Variants in NEBL observed in about 807,000 individuals in gnomAD.
NEBL encodes the protein LIM and SH3 protein 2.
A neutral mutation model predicts 140.2 loss-of-function variants in NEBL; 122 were observed. The observed-to-expected ratio is 0.87, with a 90% CI of 0.75 to 1.01. The LOEUF (loss-of-function observed/expected upper bound fraction) is 1.01. NEBL is among the 50% of genes least tolerant of loss of function. NEBL has a pLI of 0.00. For missense variants in NEBL, 1,365 were observed against 1,231.3 expected (o/e 1.11, Z -1.62); for synonymous variants, 436 against 398.9 (o/e 1.09, Z -1.11).
chr10:21,188,846 T>G (rs1193795035), intron 3 of NEBL, among the ~76,000 whole-genome samples: 4 of 152,074 alleles, frequency 2.6e-5, no homozygotes, highest in African/African-American at 4.8e-5. Context: ...AACCTCAGCC[T>G]CCCAAAGTGC....
intron 4 of NEBL, among the ~76,000 whole-genome samples, chr10:20,936,601 C>G (rs560283713): frequency 2.0e-5 from 3 of 152,198 alleles, no homozygotes; most frequent in Admixed American, 6.5e-5. Context: ...ATCCAAGGGA[C>G]AGCTCCTTCT....
chr10:20,962,901 T>G (rs535334105), intron 3 of NEBL, among the ~76,000 whole-genome samples: 1 of 152,146 alleles, frequency 6.6e-6, no homozygotes, highest in East Asian at 1.9e-4. Flanking sequence ...GAATGGCTGT[T>G]TCTGTTGAAT....
intron 4 of NEBL, among the ~76,000 whole-genome samples, chr10:20,918,659 G>A (rs1022598402): frequency 6.6e-6 from 1 of 151,662 alleles, no homozygotes; most frequent in African/African-American, 2.4e-5. Flanking sequence ...CCATCCTGGC[G>A]AAGGCGGTGA....
chr10:21,109,653 A>G (rs995305709), intron 2 of NEBL, among the ~76,000 whole-genome samples: 11 of 152,220 alleles, frequency 7.2e-5, no homozygotes, highest in Admixed American at 6.5e-4. Flanking sequence ...TTGGTAGGCT[A>G]TTAATTACTG....
At chr10:20,900,327 C>T (rs138273932), upstream of NEBL, among the ~76,000 whole-genome samples, 283 of 152,316 alleles carry the variant, frequency 1.9e-3, 2 homozygotes, top group East Asian at 0.021. Context: ...TTCAACCCCT[C>T]ACTACCTCTA....
chr10:21,052,933 C>G (rs1003134038), intron 2 of NEBL, among the ~76,000 whole-genome samples: 5 of 152,168 alleles, frequency 3.3e-5, no homozygotes, highest in African/African-American at 7.2e-5. Context: ...AGAGCATGTT[C>G]TAGGGTTTGA....
intron 2 of NEBL, among the ~76,000 whole-genome samples, chr10:21,101,518 G>T (rs1412748841): frequency 6.6e-6 from 1 of 152,212 alleles, no homozygotes; most frequent in Non-Finnish European, 1.5e-5. Context: ...CCTAGAGACG[G>T]TGGGGAAAAA....
At chr10:20,794,918 A>T (rs903336272) in intron 26 of NEBL, among the ~76,000 whole-genome samples, 1 of 152,200 alleles carries the variant, frequency 6.6e-6, no homozygotes, top group Non-Finnish European at 1.5e-5. Context: ...TGTCACCACA[A>T]TCTTCTTTTC....
chr10:21,061,477 A>G (rs1002140250), intron 2 of NEBL, among the ~76,000 whole-genome samples: 3 of 148,300 alleles, frequency 2.0e-5, no homozygotes, highest in Non-Finnish European at 4.5e-5. Flanking sequence ...TATATCATAT[A>G]TTACATCATA....
At chr10:21,211,315 C>T (rs1175490379) in intron 3 of NEBL, among the ~76,000 whole-genome samples, 1 of 151,604 alleles carries the variant, frequency 6.6e-6, no homozygotes, top group Non-Finnish European at 1.5e-5. Flanking sequence ...CGCGTTTCTA[C>T]AAAAAAATAA....
rs537605293 is a variant in NEBL, at chr10:21,052,698, G to T, written c.165-32497C>A. Among the ~76,000 whole-genome samples, 4 of 152,314 alleles carry T rather than the reference G, an allele frequency of 2.6e-5. 1 individual carries two copies. In the South Asian group the frequency reaches 8.3e-4, roughly 32 times the overall value. ...ATCCAGTGAAATCACCAACACTCAG[G>T]AAGAGCAGTGCCGCTCCACCCCTCA... On this transcript the variant is annotated intron_variant, in intron 2 of 6. Transcript: ENST00000417816.
chr10:21,174,020 G>A, exon 1 of NEBL: 2 of 1,155,264 alleles, frequency 1.7e-6, no homozygotes, highest in Non-Finnish European at 2.1e-6. Context: ...TGGCGCCTGG[G>A]GCCGGCCGCG....
intron 26 of NEBL, among the ~76,000 whole-genome samples, chr10:20,789,195 GT>G (rs1835701444): frequency 6.6e-6 from 1 of 152,058 alleles, no homozygotes; most frequent in African/African-American, 2.4e-5. Context: ...TCTTGCACTG[GT>G]TTTTAACCAT....
intron 2 of NEBL, among the ~76,000 whole-genome samples, chr10:21,159,392 G>A (rs2132148774): frequency 6.6e-6 from 1 of 152,240 alleles, no homozygotes; most frequent in East Asian, 1.9e-4. Context: ...CCGTTTGAAG[G>A]TTTTCTTAAA....
At chr10:20,869,704 A>C in intron 6 of NEBL, 36 bp downstream of exon 6, 1 of 1,441,520 alleles carries the variant, frequency 6.9e-7, no homozygotes, top group South Asian at 1.1e-5. Flanking sequence ...AAAAGTAAGA[A>C]ATCATTTCCG....
chr10:21,139,997 A>AG (rs1248835090), intron 2 of NEBL, among the ~76,000 whole-genome samples: 3 of 151,630 alleles, frequency 2.0e-5, no homozygotes, highest in Middle Eastern at 3.4e-3. Context: ...CAAAAAAAAA[A>AG]AAAAAAAAAA....
chr10:21,091,553 C>G (rs1836912781), intron 2 of NEBL, among the ~76,000 whole-genome samples: 1 of 152,200 alleles, frequency 6.6e-6, no homozygotes, highest in Non-Finnish European at 1.5e-5. Flanking sequence ...GAAATTCTCC[C>G]AAATTCAGTC....
At chr10:21,120,387 A>T (rs183416285) in intron 2 of NEBL, among the ~76,000 whole-genome samples, 1,245 of 67,162 alleles carry the variant, frequency 0.019, 13 homozygotes, top group African/African-American at 0.076. Context: ...AAAAAAAAAA[A>T]AAATACATAT....
chr10:20,964,022 T>C (rs975991276), intron 3 of NEBL, among the ~76,000 whole-genome samples: 1 of 152,238 alleles, frequency 6.6e-6, no homozygotes, highest in Non-Finnish European at 1.5e-5. Context: ...TACTTAGGTC[T>C]AATTTTAAAT....
Sources: allele counts gnomAD v4.1 joint callset (sites outside exome capture counted in the v4.1 genomes callset), GRCh38; gene constraint gnomAD v4.1.1; transcripts MANE v1.5; gene names NCBI Gene and HGNC (gene_info 2026-07-23, HGNC 2026-07-21).